The following APLF variants were observed in gnomAD, a reference collection of about 807,000 sequenced individuals.
The protein encoded by APLF is aprataxin and PNKP like factor, also known as aprataxin and PNK-like factor.
APLF carries 61 observed loss-of-function variants against 55.6 expected under a neutral mutation model. The observed-to-expected ratio is 1.10, with a 90% confidence interval of 0.89 to 1.36. The LOEUF (loss-of-function observed/expected upper bound fraction) is 1.36. Ranked by LOEUF, APLF falls within the 40% of genes most tolerant of loss-of-function variation. The probability of loss-of-function intolerance (pLI) is 0.00; values close to 1 mark genes in which losing one functional copy is unlikely to be tolerated. For synonymous variants in APLF, 207 were observed against 214.8 expected (o/e 0.96, Z 0.32); for missense variants, 611 against 602.5 (o/e 1.01, Z -0.15).
chr2:68,473,847 A>G (rs955015287), intron 1 of APLF, among the ~76,000 whole-genome samples: 4 of 152,200 alleles, frequency 2.6e-5, no homozygotes, highest in Non-Finnish European at 4.4e-5. Context: ...TTTACAGCAG[A>G]CATCAACTGG....
intron 1 of APLF, among the ~76,000 whole-genome samples, chr2:68,469,707 AG>A (rs1215816290): frequency 6.6e-6 from 1 of 152,192 alleles, no homozygotes. Flanking sequence ...ACACAACATA[AG>A]GGCTCCTGTT....
chr2:68,518,779 TATATA>T (rs1465945177), intron 5 of APLF, among the ~76,000 whole-genome samples: 1 of 96,936 alleles, frequency 1.0e-5, no homozygotes, highest in Non-Finnish European at 1.8e-5. Flanking sequence ...AATATATCAT[TATATA>T]ATAAAATATT....
At chr2:68,568,827 A>T (rs574239360) in intron 9 of APLF, among the ~76,000 whole-genome samples, 5 of 152,262 alleles carry the variant, frequency 3.3e-5, no homozygotes, top group Non-Finnish European at 7.4e-5. Flanking sequence ...TTTATTGAAA[A>T]GCATTTTTAA....
chr2:68,579,301 T>G lies in APLF; in HGVS notation c.*1279T>G, dbSNP rs1461250572. On this transcript the variant is annotated 3_prime_UTR_variant, in exon 10 of 10. Transcript: ENST00000303795. ...ACCTATTATTCTGATTTTTATCTCT[T>G]ATTGTTATTTGGGAACTATTTTTCC... The G allele has an allele frequency of 2.3e-6, 2 of 880,750 alleles. No homozygotes were observed. The highest frequency in any genetic ancestry group is 1.2e-4 in the Admixed American group (2 of 16,070). The allele number at this position is 880,750 out of a possible 1,614,324, so 54.6% of individuals were successfully genotyped here.
intron 2 of APLF, among the ~76,000 whole-genome samples, chr2:68,500,271 G>T (rs1676680264): frequency 6.6e-6 from 1 of 152,074 alleles, no homozygotes; most frequent in Non-Finnish European, 1.5e-5. Flanking sequence ...CTTCATTTTG[G>T]AATCTCCTGT....
chr2:68,467,783 C>G lies in APLF; in HGVS notation c.52C>G (p.Leu18Val). 2.4e-6 allele frequency: 3 copies of G among 1,234,384 alleles called. No individual in the cohort carries two copies. Among genetic ancestry groups the G allele is most frequent in the Non-Finnish European group, 3.0e-6 (3 of 988,146 alleles). The allele number at this position is 1,234,384 out of a possible 1,614,324, so 76.5% of individuals were successfully genotyped here. A position where few individuals can be genotyped will look rare whatever the true frequency, so the allele number is the denominator to read the frequency against. ...QPRDGGPRVA[L>V]APGETVIGRG... ...GCGGGACGGCGGTCCCCGGGTGGCC[C>G]TGGCGCCCGGGGAGACGGTGATCGG... The change falls in exon 1 of 10, where the codon CTG (leucine) becomes GTG (valine). Residue 18 changes from leucine (L) to valine (V), a missense_variant. Transcript: ENST00000303795.
chr2:68,539,151 A>T (rs563507005), intron 7 of APLF, among the ~76,000 whole-genome samples: 1 of 152,288 alleles, frequency 6.6e-6, no homozygotes, highest in Middle Eastern at 3.4e-3. Flanking sequence ...TGCTTTTTGA[A>T]ACATTTTTGT....
intron 6 of APLF, among the ~76,000 whole-genome samples, chr2:68,535,819 T>C (rs1670370699): frequency 6.6e-6 from 1 of 152,234 alleles, no homozygotes; most frequent in South Asian, 2.1e-4. Context: ...ACAAAGGGAA[T>C]TGAGAGGCCA....
chr2:68,497,729 C>T (rs1196369408), intron 2 of APLF, among the ~76,000 whole-genome samples: 1 of 152,088 alleles, frequency 6.6e-6, no homozygotes, highest in Non-Finnish European at 1.5e-5. Context: ...GCATCTGCCC[C>T]TATAATCCAA....
chr2:68,503,709 GC>G lies in APLF; in HGVS notation c.341+809del, dbSNP rs561548701. Among the ~76,000 whole-genome samples the G allele has an allele frequency of 1.7e-4, 26 of 152,200 alleles. No homozygotes were observed. The South Asian group carries it at 5.4e-3, about 32-fold the overall frequency. The stretch of plus-strand genomic sequence containing the variant: ...AAATTTGTGAGATGCAGCTAAATTA[GC>G]CCTTAGGGGGAAGTTTATAGTCGAA... On this transcript the variant is annotated intron_variant, in intron 3 of 9. Coordinates refer to ENST00000303795, the MANE Select transcript of APLF (RefSeq NM_173545.3).
At chr2:68,543,300 AT>A (rs1670609409) in intron 7 of APLF, among the ~76,000 whole-genome samples, 1 of 152,198 alleles carries the variant, frequency 6.6e-6, no homozygotes, top group South Asian at 2.1e-4. Flanking sequence ...AACTGTGCAC[AT>A]AGAAATTGTT....
rs142963036 is a variant in APLF, at chr2:68,535,055, A to T, written c.805-2817A>T. Among the ~76,000 whole-genome samples, 326 of 152,350 alleles carry T rather than the reference A, an allele frequency of 2.1e-3. 1 individual carries two copies. The highest frequency in any genetic ancestry group is 7.3e-3 in the African/African-American group (305 of 41,576). ...GATTTCCAGCTTTTGTGCCTCTTAAAATATATTCGAGAACCCCTGATCCAT... is the reference window on the plus strand; with the variant it reads ...GATTTCCAGCTTTTGTGCCTCTTAATATATATTCGAGAACCCCTGATCCAT... On this transcript the variant is annotated intron_variant, in intron 6 of 9. Coordinates refer to ENST00000303795, the MANE Select transcript of APLF (RefSeq NM_173545.3).
rs528592551 is a variant in APLF, at chr2:68,541,036, C to T, written c.1160+2809C>T. On this transcript the variant is annotated intron_variant, in intron 7 of 9. Coordinates refer to ENST00000303795, the MANE Select transcript of APLF (RefSeq NM_173545.3). The stretch of plus-strand genomic sequence containing the variant: ...GTCTGTGTTTATGACAAAGGTACCA[C>T]TGAAGATCTGTGGGTTAAGCATGAA... Among the ~76,000 whole-genome samples, 11 of 152,254 alleles carry T rather than the reference C, an allele frequency of 7.2e-5. No homozygotes were observed. In the South Asian group the frequency reaches 2.3e-3, roughly 32 times the overall value.
At chr2:68,470,464 G>A (rs1675584060) in intron 1 of APLF, among the ~76,000 whole-genome samples, 1 of 152,104 alleles carries the variant, frequency 6.6e-6, no homozygotes, top group African/African-American at 2.4e-5. Flanking sequence ...GTTACCATTA[G>A]GGGAAACTGG....
intron 3 of APLF, among the ~76,000 whole-genome samples, chr2:68,511,670 A>G (rs534283965): frequency 6.6e-6 from 1 of 151,810 alleles, no homozygotes; most frequent in Non-Finnish European, 1.5e-5. Context: ...ACTTGAAAAA[A>G]ATTATAATTT....
intron 1 of APLF, 60 bp from the exon 2 acceptor site, chr2:68,490,130 T>C: frequency 1.5e-6 from 2 of 1,317,056 alleles, no homozygotes; most frequent in African/African-American, 1.5e-5. Flanking sequence ...TTTGCCTTTT[T>C]GTTTTGTTGC....
At chr2:68,521,476 T>C (rs1203518503) in intron 5 of APLF, among the ~76,000 whole-genome samples, 2 of 151,906 alleles carry the variant, frequency 1.3e-5, no homozygotes, top group Non-Finnish European at 2.9e-5. Context: ...TTCTTGGATG[T>C]TGTCATGAGT....
intron 7 of APLF, among the ~76,000 whole-genome samples, chr2:68,544,234 C>T (rs1328445355): frequency 5.3e-5 from 8 of 152,100 alleles, no homozygotes; most frequent in African/African-American, 1.9e-4. Context: ...CCTCCTCGGC[C>T]TCCCAAAGTG....
At chr2:68,552,017 T>G (rs915371387) in intron 8 of APLF, among the ~76,000 whole-genome samples, 1 of 152,122 alleles carries the variant, frequency 6.6e-6, no homozygotes, top group Non-Finnish European at 1.5e-5. Flanking sequence ...TTGGCATGGC[T>G]TTTCCCGACT....
Sources: allele counts gnomAD v4.1 joint callset (sites outside exome capture counted in the v4.1 genomes callset), GRCh38; gene constraint gnomAD v4.1.1; transcripts MANE v1.5; gene names NCBI Gene and HGNC (gene_info 2026-07-23, HGNC 2026-07-21).